The following FSIP2 variants were observed in gnomAD, a reference collection of about 807,000 sequenced individuals.
The protein encoded by FSIP2 is fibrous sheath interacting protein 2.
A neutral mutation model predicts 510.5 loss-of-function variants in FSIP2; 367 were observed. The ratio of observed to expected loss-of-function variants is 0.72; its 90% confidence interval spans 0.66 to 0.78. FSIP2 has a LOEUF of 0.78. Among genes scored for constraint, FSIP2 ranks in the 30% least tolerant of loss-of-function variants. The pLI, the probability that FSIP2 is intolerant of heterozygous loss-of-function variation, is 0.00. For missense variants in FSIP2, 7,594 were observed against 7,901.7 expected (o/e 0.96, Z 1.48); for synonymous variants, 2,601 against 2,732.2 (o/e 0.95, Z 1.50).
chr2:185,745,121 T>A, intron 4 of FSIP2: 1 of 175,692 alleles, frequency 5.7e-6, no homozygotes, highest in Non-Finnish European at 1.2e-5. Context: ...AGAAAGACTT[T>A]AATATATTTC....
intron 2 of FSIP2, 93 bp from the exon 3 acceptor site, chr2:185,743,040 C>T (rs1258552896): frequency 3.2e-6 from 3 of 947,558 alleles, no homozygotes; most frequent in Non-Finnish European, 4.4e-6. Context: ...TCTTTTGGCA[C>T]ATTTTATTTT....
At chr2:185,815,345 G>A (rs1424627020) in intron 18 of FSIP2, 26 bp from the exon 19 acceptor site, 4 of 988,256 alleles carry the variant, frequency 4.0e-6, no homozygotes, top group Non-Finnish European at 4.8e-6. Context: ...TCCATTTAGT[G>A]TAATAGCTGA....
In FSIP2 at chr2:185,782,946, C is replaced by T. The variant is rs568671685; in HGVS notation, c.1469+184C>T. Among the ~76,000 whole-genome samples the T allele has an allele frequency of 7.2e-5, 11 of 152,240 alleles. No homozygotes were observed. The East Asian group carries it at 2.1e-3, about 29-fold the overall frequency. On this transcript the variant is annotated intron_variant, in intron 14 of 22. Transcript: ENST00000424728. The stretch of plus-strand genomic sequence containing the variant: ...ATTGTAGACAAAGTGAATCATTGTC[C>T]TTTCCTTTCTCCTTCTCCTTATCTA...
At chr2:185,748,747 CATG>C (rs1198231869) in intron 7 of FSIP2, among the ~76,000 whole-genome samples, 2 of 152,012 alleles carry the variant, frequency 1.3e-5, no homozygotes, top group African/African-American at 4.8e-5. Flanking sequence ...TGACTGTAAG[CATG>C]ATAACACCAC....
Position 185,791,189 on chromosome 2 carries a change from C to T in FSIP2, c.4053C>T (p.Asp1351=), listed in dbSNP as rs1021149699. The T allele has an allele frequency of 1.3e-5, 20 of 1,533,708 alleles. No homozygotes were observed. In the East Asian group the frequency reaches 4.9e-4, roughly 38 times the overall value. ...LESLVTSIDD[D]ILASPLLTCI... ...CTCTTGTCACGAGTATTGATGATGA[C>T]ATTTTGGCGAGTCCATTATTAACCT... is the stretch of plus-strand genomic sequence containing the variant. Residue 1351 remains aspartate, a synonymous_variant, in exon 16 of 23, where the codon GAC becomes GAT. Coordinates refer to ENST00000424728, the MANE Select transcript of FSIP2 (RefSeq NM_173651.4).
intron 22 of FSIP2, 34 bp from the exon 23 acceptor site, chr2:185,833,056 A>G: frequency 6.2e-7 from 1 of 1,602,614 alleles, no homozygotes; most frequent in Non-Finnish European, 8.5e-7. Flanking sequence ...TTCAAAAATA[A>G]AGATATCATT....
intron 1 of FSIP2, 59 bp from the exon 2 acceptor site, chr2:185,739,287 C>A: frequency 1.4e-6 from 2 of 1,459,334 alleles, no homozygotes; most frequent in South Asian, 1.3e-5. Context: ...GTAGATTGGT[C>A]TAAACTAAAC....
At position 185,801,026 on chromosome 2, in the gene FSIP2, A is replaced by G; in HGVS notation, c.11720A>G (p.Tyr3907Cys). ...QSKSSLELRS[Y>C]DSNSLTVSLN... ...AAAAGTTCTTTAGAACTCAGGAGCT[A>G]TGATAGTAATTCTTTGACAGTATCC... Residue 3907 changes from tyrosine (Y) to cysteine (C), a missense_variant, in exon 17 of 23, where the codon TAT becomes TGT. Tyr to Cys is a radical substitution (Grantham distance 194, BLOSUM62 -2). Transcript: ENST00000424728. 2 of 1,531,746 alleles carry G rather than the reference A, an allele frequency of 1.3e-6. No individual in the cohort carries two copies. The highest frequency in any genetic ancestry group is 1.7e-6 in the Non-Finnish European group (2 of 1,144,014). The allele number at this position is 1,531,746 out of a possible 1,614,324, so 94.9% of individuals were successfully genotyped here.
Position 185,806,629 on chromosome 2 carries a change from C to G in FSIP2, c.17323C>G (p.Arg5775Gly). ...PSKPDDPQNQRESKPGIFPAK... is the reference protein window; with the variant it reads ...PSKPDDPQNQGESKPGIFPAK... Reference sequence around the variant, plus strand: ...TAAACCAGATGATCCTCAAAACCAACGAGAAAGTAAACCTGGAATTTTTCC... The same window carrying G: ...TAAACCAGATGATCCTCAAAACCAAGGAGAAAGTAAACCTGGAATTTTTCC... Residue 5775 changes from arginine (R) to glycine (G), a missense_variant, in exon 17 of 23, where the codon CGA becomes GGA. Coordinates refer to ENST00000424728, the MANE Select transcript of FSIP2 (RefSeq NM_173651.4). The G allele has an allele frequency of 6.2e-7, 1 of 1,607,906 alleles. No homozygotes were observed. The highest frequency in any genetic ancestry group is 8.5e-7 in the Non-Finnish European group (1 of 1,177,760).
Position 185,807,981 on chromosome 2 carries a change from C to T in FSIP2, c.18675C>T (p.Ser6225=). The change falls in exon 17 of 23, where the codon TCC becomes TCT. Residue 6225 remains serine, a synonymous_variant. Transcript: ENST00000424728. ...TAAATTCAGTCCAAGAATTTATCTC[C>T]AAAAGTAAGATTAAACTTGTACCAC... The part of the protein sequence containing the change: ...KVLNSVQEFI[S]KSKIKLVPPT... The T allele has an allele frequency of 1.2e-6, 2 of 1,610,242 alleles. No individual in the cohort carries two copies. Among genetic ancestry groups the T allele is most frequent in the East Asian group, 4.5e-5 (2 of 44,646 alleles).
At chr2:185,798,497 A>G (rs1371506802) in intron 16 of FSIP2, among the ~76,000 whole-genome samples, 2 of 151,882 alleles carry the variant, frequency 1.3e-5, no homozygotes, top group Non-Finnish European at 2.9e-5. Context: ...TCAGTTTAGT[A>G]TTACTATAAT....
chr2:185,806,409 G>C lies in FSIP2; in HGVS notation c.17103G>C (p.Ser5701=). The change falls in exon 17 of 23, where the codon TCG becomes TCC. Residue 5701 remains serine (S), a synonymous_variant. Coordinates refer to ENST00000424728, the MANE Select transcript of FSIP2 (RefSeq NM_173651.4). ...CTTCTCCAGAACCAGCATATTATTC[G>C]AAACTCAGTTATGACCAAAGCCCCC... ...LSSSPEPAYY[S]KLSYDQSPPG... is the part of the protein sequence containing the mutation. 6.2e-7 allele frequency: 1 copy of C among 1,611,820 alleles called. No individual in the cohort carries two copies. Among genetic ancestry groups the C allele is most frequent in the Non-Finnish European group, 8.5e-7 (1 of 1,178,612 alleles).
At chr2:185,739,853 A>T (rs939322142) in intron 2 of FSIP2, among the ~76,000 whole-genome samples, 2 of 152,200 alleles carry the variant, frequency 1.3e-5, no homozygotes, top group Non-Finnish European at 2.9e-5. Flanking sequence ...AACTGACAGT[A>T]TCTTGGACCA....
At position 185,807,212 on chromosome 2, in the gene FSIP2, A is replaced by C. The variant is rs1195545515; in HGVS notation, c.17906A>C (p.Glu5969Ala). ...CAGGTTAACTTGATATTTTGTGATGAGGTTTCAGTTTCAGCATGTTTGCCT... is the reference window on the plus strand; with the variant it reads ...CAGGTTAACTTGATATTTTGTGATGCGGTTTCAGTTTCAGCATGTTTGCCT... ...QRQVNLIFCD[E>A]VSVSACLPLE... The change falls in exon 17 of 23, where the codon GAG (glutamate) becomes GCG (alanine). Residue 5969 changes from glutamate to alanine, a missense_variant. By Grantham distance (107) the Glu-to-Ala change is moderately radical (BLOSUM62 -1). Coordinates refer to ENST00000424728, the MANE Select transcript of FSIP2 (RefSeq NM_173651.4). 2 of 1,603,940 alleles carry C rather than the reference A, an allele frequency of 1.2e-6. No individual in the cohort carries two copies. The highest frequency in any genetic ancestry group is 1.1e-5 in the South Asian group (1 of 88,594).
intron 14 of FSIP2, 38 bp from the exon 15 acceptor site, chr2:185,786,214 C>T (rs1284111249): frequency 7.3e-7 from 1 of 1,364,082 alleles, no homozygotes; most frequent in Non-Finnish European, 9.9e-7. Context: ...AAATTTTTGA[C>T]TCTATGTAAT....
In FSIP2 at chr2:185,832,677, A is replaced by G. The variant is rs143318363; in HGVS notation, c.20588-413A>G. 2.0e-5 allele frequency among the ~76,000 whole-genome samples: 3 copies of G among 151,856 alleles called. No homozygotes were observed. In the East Asian group the frequency reaches 5.8e-4, roughly 30 times the overall value. ...AGGTGCAAAAAAAATGCAAATAGGA[A>G]CTCTTTTATTACCTACACAGTCCTA... On this transcript the variant is annotated intron_variant, in intron 22 of 22. Transcript: ENST00000424728.
At chr2:185,821,767 A>T (rs966462138) in intron 19 of FSIP2, among the ~76,000 whole-genome samples, 1 of 151,686 alleles carries the variant, frequency 6.6e-6, no homozygotes, top group African/African-American at 2.4e-5. Flanking sequence ...CTCCAAAAAA[A>T]ATACAAAAAA....
intron 13 of FSIP2, among the ~76,000 whole-genome samples, chr2:185,770,621 T>C (rs186695189): frequency 6.6e-6 from 1 of 152,116 alleles, no homozygotes; most frequent in Non-Finnish European, 1.5e-5. Context: ...ACCCCCAACA[T>C]TGGGAATTAT....
At position 185,789,693 on chromosome 2, in the gene FSIP2, T is replaced by G. The variant is rs1300010292; in HGVS notation, c.2557T>G (p.Cys853Gly). Reference protein sequence around the residue: ...LHLKDTNKLSCQQHKTDPICM... With the variant: ...LHLKDTNKLSGQQHKTDPICM... Reference sequence around the variant, plus strand: ...TCTTAAAGACACAAATAAGCTTTCCTGCCAGCAACATAAGACAGACCCAAT... The same window carrying G: ...TCTTAAAGACACAAATAAGCTTTCCGGCCAGCAACATAAGACAGACCCAAT... The change falls in exon 16 of 23, where the codon TGC becomes GGC. Residue 853 changes from cysteine to glycine, a missense_variant. Cys to Gly is a radical substitution (Grantham distance 159, BLOSUM62 -3). Coordinates refer to ENST00000424728, the MANE Select transcript of FSIP2 (RefSeq NM_173651.4). The G allele has an allele frequency of 2.3e-5, 36 of 1,533,854 alleles. No homozygotes were observed. Among genetic ancestry groups the G allele is most frequent in the Non-Finnish European group, 2.9e-5 (33 of 1,145,666 alleles).
Sources: allele counts gnomAD v4.1 joint callset (sites outside exome capture counted in the v4.1 genomes callset), GRCh38; gene constraint gnomAD v4.1.1; transcripts MANE v1.5; gene names NCBI Gene and HGNC (gene_info 2026-07-23, HGNC 2026-07-21).